ADGRE1: variants seen among roughly 807,000 people sequenced by gnomAD.
ADGRE1 encodes the protein EGF-like module receptor 1.
In ADGRE1, 82 loss-of-function variants were observed where a neutral mutation model predicts 102.7. That is an observed-to-expected ratio of 0.80 (90% CI 0.67 to 0.96). ADGRE1 has a LOEUF of 0.96. Ranked by LOEUF, ADGRE1 falls within the 40% of genes least tolerant of loss-of-function variation. The pLI is 0.00. For synonymous variants in ADGRE1, 398 were observed against 399.6 expected, an observed-to-expected ratio of 1.00 and a Z score of 0.05; for missense variants, 1,032 against 1,085.3, an observed-to-expected ratio of 0.95 and a Z score of 0.69.
chr19:6,925,028 C>A (rs956034767), intron 15 of ADGRE1, among the ~76,000 whole-genome samples, 156 bp downstream of exon 15: 5 of 152,178 alleles, frequency 3.3e-5, no homozygotes, highest in Non-Finnish European at 5.9e-5. Flanking sequence ...AGCTTCTTAC[C>A]TGCTTGACTC....
At chr19:6,891,092 G>A (rs1388160028) in intron 2 of ADGRE1, 12 of 152,478 alleles carry the variant, frequency 7.9e-5, no homozygotes, top group Middle Eastern at 3.4e-3. Context: ...TGTCAAGGGC[G>A]GGGCCAGTTG....
chr19:6,887,724 A>C, intron 1 of ADGRE1, 85 bp downstream of exon 1: 1 of 1,441,158 alleles, frequency 6.9e-7, no homozygotes, highest in Non-Finnish European at 9.5e-7. Flanking sequence ...TGGATGGTCC[A>C]GCCAAGAGAT....
chr19:6,896,342 G>A lies in ADGRE1; in HGVS notation c.95-56G>A, dbSNP rs1599714115. ...CCACCCTTGTATGCTGGGTTCCCTT[G>A]CAGCCTCACTCTAATGCTCTAATCT... On this transcript the variant is annotated intron_variant, in intron 2 of 20. Transcript: ENST00000312053. 1.7e-5 allele frequency: 27 copies of A among 1,572,644 alleles called. No individual in the cohort carries two copies. The East Asian group carries it at 5.9e-4, about 34-fold the overall frequency.
chr19:6,893,787 C>A (rs529795996), intron 2 of ADGRE1, among the ~76,000 whole-genome samples: 248 of 152,034 alleles, frequency 1.6e-3, no homozygotes, highest in Non-Finnish European at 2.3e-3. Context: ...TCGCTTAAAA[C>A]AAAAAAAACT....
intron 10 of ADGRE1, 115 bp from the exon 11 acceptor site, chr19:6,913,538 C>T (rs1974275147): frequency 1.0e-6 from 1 of 971,650 alleles, no homozygotes; most frequent in Admixed American, 3.4e-5. Context: ...AGTGGATGCC[C>T]CTTTTAATTC....
At chr19:6,922,632 AC>A (rs1406477246) in intron 14 of ADGRE1, among the ~76,000 whole-genome samples, 1 of 151,338 alleles carries the variant, frequency 6.6e-6, no homozygotes, top group Non-Finnish European at 1.5e-5. Flanking sequence ...ACACACACAC[AC>A]ACACACACAC....
At chr19:6,919,361 C>T (rs1199801991) in intron 12 of ADGRE1, among the ~76,000 whole-genome samples, 187 bp from the exon 13 acceptor site, 1 of 146,826 alleles carries the variant, frequency 6.8e-6, no homozygotes, top group East Asian at 2.0e-4. Context: ...GTTCTAGAAG[C>T]CCGCTGGTTA....
Position 6,893,120 on chromosome 19 carries a change from C to T in ADGRE1, c.94+2577C>T, listed in dbSNP as rs530752375. On this transcript the variant is annotated intron_variant, in intron 2 of 20. Transcript: ENST00000312053. The stretch of plus-strand genomic sequence containing the variant: ...GTCTTTCTGTGTCTGGTTTATTTCA[C>T]TTAACATAATGTCCTCCAGTCCTCC... Among the ~76,000 whole-genome samples the T allele has an allele frequency of 6.6e-5, 10 of 152,344 alleles. No individual in the cohort carries two copies. In the East Asian group the frequency reaches 1.9e-3, roughly 29 times the overall value.
chr19:6,925,017 C>T, intron 15 of ADGRE1, 145 bp downstream of exon 15: 1 of 745,442 alleles, frequency 1.3e-6, no homozygotes, highest in Non-Finnish European at 2.2e-6. Context: ...ACTCACTTCC[C>T]AGCTTCTTAC....
At chr19:6,918,367 G>A (rs1454389114) in intron 12 of ADGRE1, among the ~76,000 whole-genome samples, 3 of 152,030 alleles carry the variant, frequency 2.0e-5, no homozygotes, top group Non-Finnish European at 4.4e-5. Flanking sequence ...CTTGAACCCG[G>A]AAGGCAGACG....
At chr19:6,896,181 T>C (rs770792418) in intron 2 of ADGRE1, 3 of 503,170 alleles carry the variant, frequency 6.0e-6, no homozygotes, top group Non-Finnish European at 1.1e-5. Flanking sequence ...ACTCCAGCAC[T>C]ACTTCATCTT....
At chr19:6,895,249 A>G (rs890996732) in intron 2 of ADGRE1, 3 of 152,230 alleles carry the variant, frequency 2.0e-5, no homozygotes, top group Non-Finnish European at 2.9e-5. Flanking sequence ...CAAGGGCATG[A>G]CCAGACAGTA....
chr19:6,927,371 T>C (rs1974967557), intron 16 of ADGRE1, among the ~76,000 whole-genome samples: 1 of 149,992 alleles, frequency 6.7e-6, no homozygotes, highest in East Asian at 2.0e-4. Flanking sequence ...TTATGAAATA[T>C]CTTGTCTATG....
chr19:6,926,383 C>T lies in ADGRE1; in HGVS notation c.2004C>T (p.Ile668=), dbSNP rs773985411. ...CCCTCCAGATGGGCTGCGCCATCATCGCGGGCTTCCTGCACTACCTTTTCC... is the reference window on the plus strand; with the variant it reads ...CCCTCCAGATGGGCTGCGCCATCATTGCGGGCTTCCTGCACTACCTTTTCC... ...KTDNKMGCAI[I]AGFLHYLFLA... is the part of the protein sequence containing the mutation. Residue 668 remains isoleucine (I), a synonymous_variant, in exon 16 of 21, where the codon ATC becomes ATT. Transcript: ENST00000312053. 1.7e-5 allele frequency: 28 copies of T among 1,613,986 alleles called. No individual in the cohort carries two copies. Among genetic ancestry groups the T allele is most frequent in the Middle Eastern group, 3.3e-4 (2 of 5,976 alleles).
intron 10 of ADGRE1, among the ~76,000 whole-genome samples, chr19:6,910,784 G>T (rs1287006805): frequency 6.6e-6 from 1 of 151,986 alleles, no homozygotes; most frequent in Non-Finnish European, 1.5e-5. Context: ...TGTTGGCCAG[G>T]CTGGTCTCGA....
chr19:6,905,326 T>A (rs912979295), intron 8 of ADGRE1, among the ~76,000 whole-genome samples: 1 of 150,956 alleles, frequency 6.6e-6, no homozygotes, highest in African/African-American at 2.4e-5. Context: ...CAAGCCTGGG[T>A]GACAGAGTGA....
intron 2 of ADGRE1, chr19:6,895,378 G>C (rs1363134288): frequency 6.6e-6 from 1 of 152,204 alleles, no homozygotes; most frequent in East Asian, 1.9e-4. Context: ...TAAGGAAGAG[G>C]GTGGAATGGA....
In ADGRE1 at chr19:6,938,801, CTT is replaced by C. The variant is rs558698686; in HGVS notation, c.2655+1164_2655+1165del. On this transcript the variant is annotated intron_variant, in intron 20 of 20. Transcript: ENST00000312053. ...TCTTTCTTTCTTTCTTTCTTTTTTTCTTTTTTTTTTTTGAGATGGAGTCTCGC... is the reference window on the plus strand; with the variant it reads ...TCTTTCTTTCTTTCTTTCTTTTTTTCTTTTTTTTTTGAGATGGAGTCTCGC... 8.5e-3 allele frequency among the ~76,000 whole-genome samples: 1,168 copies of C among 137,778 alleles called. 19 individuals carry two copies. Among genetic ancestry groups the C allele is most frequent in the African/African-American group, 0.028 (1,041 of 36,774 alleles). 90.4% of individuals were successfully genotyped at this position (137,778 alleles called of 152,430 possible). A position where few individuals can be genotyped will look rare whatever the true frequency, so the allele number is the denominator to read the frequency against.
At chr19:6,911,630 AAC>A (rs80238315) in intron 10 of ADGRE1, among the ~76,000 whole-genome samples, 95,157 of 150,926 alleles carry the variant, frequency 0.63, 31,823 homozygotes, top group Non-Finnish European at 0.75. Flanking sequence ...CATACAAATA[AAC>A]ACACACACAT....
Sources: gnomAD v4.1 joint callset for allele counts (sites outside exome capture counted in the v4.1 genomes callset) on GRCh38, gnomAD v4.1.1 for gene constraint, MANE v1.5 for transcripts, NCBI Gene and HGNC (gene_info 2026-07-23, HGNC 2026-07-21) for gene names.